Variants in CDH13 observed in about 807,000 individuals in gnomAD.
CDH13 encodes cadherin 13.
A neutral mutation model predicts 63.8 loss-of-function variants in CDH13; 24 were observed. That is an observed-to-expected ratio of 0.38 (90% CI 0.27 to 0.53). The LOEUF (loss-of-function observed/expected upper bound fraction) is 0.53, where lower values mean the gene tolerates loss of function less well. Ranked by LOEUF, CDH13 falls within the 20% of genes least tolerant of loss-of-function variation. The probability of loss-of-function intolerance (pLI) is 0.85; values close to 1 mark genes in which losing one functional copy is unlikely to be tolerated. For synonymous variants in CDH13, 503 were observed against 355.3 expected, an observed-to-expected ratio of 1.42 and a Z score of -4.67; for missense variants, 1,049 against 903.1, an observed-to-expected ratio of 1.16 and a Z score of -2.07.
rs73609767 is a variant in CDH13, at chr16:83,616,765, C to T, written c.1101+14171C>T. On this transcript the variant is annotated intron_variant, in intron 8 of 13. Coordinates refer to ENST00000567109, the MANE Select transcript of CDH13 (RefSeq NM_001257.5). ...CCAGGTCCACACTGCACCTGGAAGC[C>T]ATTTTGTACTGAACAATTTTAGAAG... is the stretch of plus-strand genomic sequence containing the variant. 6.4e-3 allele frequency among the ~76,000 whole-genome samples: 973 copies of T among 152,242 alleles called. 8 individuals carry two copies. The highest frequency in any genetic ancestry group is 0.022 in the African/African-American group (904 of 41,538).
At chr16:83,376,073 T>C (rs76690524) in intron 6 of CDH13, among the ~76,000 whole-genome samples, 2,282 of 152,284 alleles carry the variant, frequency 0.015, 62 homozygotes, top group African/African-American at 0.052. Context: ...CTTTCTTACT[T>C]ATTCCTTGGC....
chr16:83,024,547 A>C (rs927954816), intron 2 of CDH13, among the ~76,000 whole-genome samples: 4 of 152,164 alleles, frequency 2.6e-5, no homozygotes, highest in Non-Finnish European at 1.5e-5. Flanking sequence ...ACCTCGGTTC[A>C]TATAATGACT....
At chr16:83,286,947 G>A (rs1024677823) in intron 5 of CDH13, among the ~76,000 whole-genome samples, 1 of 151,916 alleles carries the variant, frequency 6.6e-6, no homozygotes, top group Non-Finnish European at 1.5e-5. Context: ...CCATGCCCGT[G>A]CTCCTATGTG....
intron 7 of CDH13, among the ~76,000 whole-genome samples, chr16:83,546,958 C>T (rs1380464466): frequency 6.6e-6 from 1 of 152,154 alleles, no homozygotes; most frequent in East Asian, 1.9e-4. Flanking sequence ...AAAACACGGA[C>T]CGGAAGGGAC....
At chr16:83,540,345 A>G (rs947419673) in intron 7 of CDH13, among the ~76,000 whole-genome samples, 2 of 152,206 alleles carry the variant, frequency 1.3e-5, no homozygotes, top group African/African-American at 4.8e-5. Flanking sequence ...TGCTGAAGAC[A>G]GTCACCCCCG....
intron 10 of CDH13, among the ~76,000 whole-genome samples, chr16:83,702,146 TG>T (rs1567529501): frequency 6.6e-6 from 1 of 152,186 alleles, no homozygotes; most frequent in Non-Finnish European, 1.5e-5. Flanking sequence ...ATCATTTCCT[TG>T]GGGTGTAATA....
At chr16:83,037,361 C>T (rs1305051751) in intron 3 of CDH13, among the ~76,000 whole-genome samples, 1 of 152,198 alleles carries the variant, frequency 6.6e-6, no homozygotes, top group Admixed American at 6.5e-5. Flanking sequence ...AATACCCATT[C>T]TCCTTCCTGC....
intron 10 of CDH13, among the ~76,000 whole-genome samples, chr16:83,693,065 C>T (rs1011359558): frequency 4.6e-5 from 7 of 152,086 alleles, no homozygotes; most frequent in African/African-American, 7.2e-5. Flanking sequence ...CCTGGGTAAC[C>T]GAGTGAGACT....
In CDH13 at chr16:83,303,165, G is replaced by T; in HGVS notation, c.637-41697G>T. Among the ~76,000 whole-genome samples, 2 of 152,346 alleles carry T rather than the reference G, an allele frequency of 1.3e-5. 1 individual carries two copies. The highest frequency in any genetic ancestry group is 1.3e-4 in the Admixed American group (2 of 15,304). On this transcript the variant is annotated intron_variant, in intron 5 of 13. Transcript: ENST00000567109. ...CCTATGTTCTTTTCAGCATGGGCCA[G>T]TGTTGGGGCCAAGGGAAAGCTTCCC...
At chr16:83,045,274 A>G (rs894629113) in intron 3 of CDH13, among the ~76,000 whole-genome samples, 3 of 152,146 alleles carry the variant, frequency 2.0e-5, no homozygotes, top group African/African-American at 7.2e-5. Context: ...CGTGAACAGA[A>G]CCTTTGGAAG....
At chr16:82,888,210 A>C (rs76584076) in intron 2 of CDH13, among the ~76,000 whole-genome samples, 1 of 152,348 alleles carries the variant, frequency 6.6e-6, no homozygotes, top group East Asian at 1.9e-4. Flanking sequence ...ACCTTGCCAT[A>C]GAAAGGCAAA....
intron 3 of CDH13, among the ~76,000 whole-genome samples, chr16:83,114,698 A>G (rs1030498099): frequency 1.3e-5 from 2 of 152,190 alleles, no homozygotes. Context: ...TTGCCTCTCC[A>G]ACCTTTTAAA....
chr16:83,517,604 A>G (rs1451029738), intron 7 of CDH13, among the ~76,000 whole-genome samples: 1 of 152,220 alleles, frequency 6.6e-6, no homozygotes, highest in African/African-American at 2.4e-5. Context: ...AGGGAGGGTG[A>G]GAAATGTGAG....
At chr16:83,792,895 A>G (rs1171741950) in intron 13 of CDH13, among the ~76,000 whole-genome samples, 1 of 152,214 alleles carries the variant, frequency 6.6e-6, no homozygotes, top group Non-Finnish European at 1.5e-5. Flanking sequence ...ATCATTGTAA[A>G]AATGAAACCT....
chr16:83,342,764 C>A (rs2090753394), intron 5 of CDH13, among the ~76,000 whole-genome samples: 1 of 150,660 alleles, frequency 6.6e-6, no homozygotes, highest in Non-Finnish European at 1.5e-5. Flanking sequence ...TGATACTGGC[C>A]AAGTCTTATA....
chr16:83,662,588 C>G (rs577120307), intron 8 of CDH13, among the ~76,000 whole-genome samples: 37 of 152,260 alleles, frequency 2.4e-4, no homozygotes, highest in Middle Eastern at 3.4e-3. Context: ...TTGAGGATCT[C>G]TAAAGCCTGA....
At chr16:83,074,680 A>T (rs2032692623) in intron 3 of CDH13, among the ~76,000 whole-genome samples, 1 of 152,146 alleles carries the variant, frequency 6.6e-6, no homozygotes, top group Non-Finnish European at 1.5e-5. Flanking sequence ...GCAATGACTG[A>T]TTTCTATGAA....
chr16:82,845,265 A>G (rs992018011), intron 1 of CDH13, among the ~76,000 whole-genome samples: 1 of 152,196 alleles, frequency 6.6e-6, no homozygotes, highest in African/African-American at 2.4e-5. Context: ...AGGTGGGAGC[A>G]TTCAGCCAGC....
At chr16:83,525,883 AGAG>A (rs1176411177) in intron 7 of CDH13, among the ~76,000 whole-genome samples, 1 of 152,198 alleles carries the variant, frequency 6.6e-6, no homozygotes, top group Non-Finnish European at 1.5e-5. Context: ...CTTTGAAGAC[AGAG>A]GAGGGGCCAC....
Sources: gnomAD v4.1 joint callset for allele counts (sites outside exome capture counted in the v4.1 genomes callset) on GRCh38, gnomAD v4.1.1 for gene constraint, MANE v1.5 for transcripts, NCBI Gene and HGNC (gene_info 2026-07-23, HGNC 2026-07-21) for gene names.